The following KRABD3 variants were observed in gnomAD, a reference collection of about 807,000 sequenced individuals.
The protein encoded by KRABD3 is KRAB domain containing 3.
chr7:149,729,944 A>G, the KRABD3 span: 1 of 1,277,246 alleles, frequency 7.8e-7, no homozygotes, highest in Non-Finnish European at 9.9e-7. Context: ...AGACTTTCCA[A>G]AGCTGCTGGG....
chr7:149,730,666 T>G, the KRABD3 span: 13 of 1,415,760 alleles, frequency 9.2e-6, no homozygotes, highest in Non-Finnish European at 1.1e-5. Flanking sequence ...TTTGCCTGGC[T>G]CTTGCCAGGG....
chr7:149,724,372 G>C, the KRABD3 span, among the ~76,000 whole-genome samples: 94 of 152,304 alleles, frequency 6.2e-4, no homozygotes, highest in Admixed American at 6.1e-3. Flanking sequence ...GTTGAGTCAG[G>C]TGTGCTGGCC....
the KRABD3 span, among the ~76,000 whole-genome samples, chr7:149,732,686 G>T: frequency 5.9e-5 from 9 of 152,320 alleles, no homozygotes; most frequent in East Asian, 1.4e-3. The surrounding 1 kb of genome is among the most constrained non-coding windows in gnomAD (Gnocchi z 4.0). Flanking sequence ...AAAGCAGAAG[G>T]GGGTGGGAAC....
At chr7:149,731,871 T>C in the KRABD3 span, 2 of 839,980 alleles carry the variant, frequency 2.4e-6, no homozygotes, top group Non-Finnish European at 3.9e-6. Flanking sequence ...GTTTGAGTGA[T>C]GGGTAGGAAG....
At chr7:149,723,622 G>A in the KRABD3 span, 1 of 1,028,470 alleles carries the variant, frequency 9.7e-7, no homozygotes, top group Non-Finnish European at 1.4e-6. Context: ...CACTGGAAGA[G>A]CCTCATCTTC....
At chr7:149,720,673 T>TGA in the KRABD3 span, among the ~76,000 whole-genome samples, 2 of 152,272 alleles carry the variant, frequency 1.3e-5, no homozygotes, top group Non-Finnish European at 2.9e-5. Flanking sequence ...GCGCCTGGCC[T>TGA]GAGCCCAGGT....
chr7:149,730,380 C>T, the KRABD3 span: 4 of 1,554,452 alleles, frequency 2.6e-6, no homozygotes, highest in Non-Finnish European at 3.5e-6. Context: ...GGGATGTGTG[C>T]CAGGGCGCCA....
At chr7:149,719,642 C>CGGGAGAACTACGAGACGCT in the KRABD3 span, 2 of 1,606,746 alleles carry the variant, frequency 1.2e-6, no homozygotes, top group Non-Finnish European at 1.7e-6. This position sits in a 1 kb window ranked among gnomAD's most constrained non-coding sequence, Gnocchi z 5.6. Context: ...AGACGTGATG[C>CGGGAGAACTACGAGACGCT]GGGAGAACTA....
the KRABD3 span, among the ~76,000 whole-genome samples, chr7:149,720,342 T>A: frequency 2.0e-5 from 3 of 152,186 alleles, no homozygotes; most frequent in African/African-American, 4.8e-5. Flanking sequence ...GAGTACCTCC[T>A]GCCTCAGGCC....
the KRABD3 span, among the ~76,000 whole-genome samples, chr7:149,726,761 T>C: frequency 6.6e-6 from 1 of 152,022 alleles, no homozygotes; most frequent in Non-Finnish European, 1.5e-5. Flanking sequence ...TAAAAAATTA[T>C]CTGGGTGGAG....
the KRABD3 span, among the ~76,000 whole-genome samples, chr7:149,718,908 TAGG>T: frequency 6.6e-6 from 1 of 152,196 alleles, no homozygotes; most frequent in African/African-American, 2.4e-5. Flanking sequence ...GAATAGGAGA[TAGG>T]AGTACAGGGT....
the KRABD3 span, chr7:149,729,364 C>CT: frequency 6.7e-7 from 1 of 1,493,604 alleles, no homozygotes; most frequent in Non-Finnish European, 8.9e-7. Flanking sequence ...GAGGTGGCTC[C>CT]CAGAGGGTGA....
chr7:149,719,515 C>T, the KRABD3 span: 2 of 1,533,268 alleles, frequency 1.3e-6, no homozygotes, highest in East Asian at 4.9e-5. This position sits in a 1 kb window ranked among gnomAD's most constrained non-coding sequence, Gnocchi z 5.6. Context: ...TGGGATGGAA[C>T]AACCAACCCC....
the KRABD3 span, chr7:149,719,986 A>G: frequency 5.5e-5 from 84 of 1,536,922 alleles, no homozygotes; most frequent in East Asian, 1.8e-3. This position sits in a 1 kb window ranked among gnomAD's most constrained non-coding sequence, Gnocchi z 5.6. Context: ...TCCCAGGGCC[A>G]CAGTTCCCTC....
chr7:149,723,711 A>G, the KRABD3 span: 1 of 1,562,096 alleles, frequency 6.4e-7, no homozygotes. Context: ...GCTCCAGGTG[A>G]AAACATGTTC....
the KRABD3 span, chr7:149,729,605 T>A: frequency 1.0e-6 from 1 of 985,440 alleles, no homozygotes. Context: ...ATCCATTGGG[T>A]TTCTCCAGTG....
At chr7:149,729,306 C>T in the KRABD3 span, 3 of 1,600,528 alleles carry the variant, frequency 1.9e-6, no homozygotes, top group Non-Finnish European at 2.6e-6. Flanking sequence ...TCCCCGCCTG[C>T]CACCAGCGGG....
At chr7:149,721,413 G>T in the KRABD3 span, 1 of 1,610,792 alleles carries the variant, frequency 6.2e-7, no homozygotes. Context: ...CCTCTCCGAG[G>T]CCTGCTCAGC....
At chr7:149,730,204 TG>T in the KRABD3 span, 1 of 1,575,518 alleles carries the variant, frequency 6.3e-7, no homozygotes, top group Non-Finnish European at 8.6e-7. Context: ...AGGGGGATCT[TG>T]CCTGTAAGGC....
Sources: gnomAD v4.1 joint callset for allele counts (sites outside exome capture counted in the v4.1 genomes callset) on GRCh38, gnomAD v4.1.1 for gene constraint, Gnocchi (gnomAD v3.1) non-coding constraint, MANE v1.5 for transcripts, NCBI Gene and HGNC (gene_info 2026-07-23, HGNC 2026-07-21) for gene names.